Variants in DTNBP1 observed in about 807,000 individuals in gnomAD.
DTNBP1 encodes the protein dystrobrevin binding protein 1.
A neutral mutation model predicts 42.8 loss-of-function variants in DTNBP1; 35 were observed. That is an observed-to-expected ratio of 0.82 (90% confidence interval 0.63 to 1.09). The LOEUF (loss-of-function observed/expected upper bound fraction) is 1.09. DTNBP1 is among the 50% of genes least tolerant of loss of function. DTNBP1 has a pLI of 0.00. For synonymous variants in DTNBP1, 171 were observed against 162.2 expected (o/e 1.05, Z -0.41); for missense variants, 457 against 424.2 (o/e 1.08, Z -0.68).
At chr6:15,648,679 G>A (rs1760820172) in intron 3 of DTNBP1, among the ~76,000 whole-genome samples, 1 of 151,864 alleles carries the variant, frequency 6.6e-6, no homozygotes, top group Non-Finnish European at 1.5e-5. Flanking sequence ...AATTAACAAA[G>A]ATGATGAAAG....
At chr6:15,595,056 AG>A (rs749331925) in intron 6 of DTNBP1, 206 of 452,778 alleles carry the variant, frequency 4.5e-4, no homozygotes, top group Non-Finnish European at 8.4e-4. Context: ...TGCTGTGAAG[AG>A]GACAAGCCCA....
intron 7 of DTNBP1, among the ~76,000 whole-genome samples, chr6:15,538,176 G>T (rs1333062557): frequency 6.6e-6 from 1 of 152,164 alleles, no homozygotes; most frequent in Non-Finnish European, 1.5e-5. Context: ...ATCTGGGTGA[G>T]CCTGGCCTAG....
intron 7 of DTNBP1, among the ~76,000 whole-genome samples, chr6:15,580,301 T>C (rs888535322): frequency 3.3e-5 from 5 of 152,130 alleles, no homozygotes; most frequent in African/African-American, 9.7e-5. Flanking sequence ...CAGGTGAGGG[T>C]CTATGAAATA....
At chr6:15,578,319 C>T (rs74474328) in intron 7 of DTNBP1, among the ~76,000 whole-genome samples, 20 of 152,192 alleles carry the variant, frequency 1.3e-4, no homozygotes, top group Non-Finnish European at 2.4e-4. Context: ...AGGGGATGTC[C>T]CAGTTTGAGA....
chr6:15,650,761 C>T (rs1760947023), intron 3 of DTNBP1, among the ~76,000 whole-genome samples: 1 of 152,158 alleles, frequency 6.6e-6, no homozygotes, highest in African/African-American at 2.4e-5. Flanking sequence ...ATTCTGGATA[C>T]ATGTTGTTCC....
intron 5 of DTNBP1, among the ~76,000 whole-genome samples, chr6:15,619,593 A>C (rs1410450447): frequency 2.0e-5 from 3 of 152,190 alleles, no homozygotes; most frequent in Non-Finnish European, 4.4e-5. Flanking sequence ...GAGCCTAAGA[A>C]GACAAGATGA....
At chr6:15,614,069 T>C (rs1468982614) in intron 6 of DTNBP1, among the ~76,000 whole-genome samples, 1 of 152,196 alleles carries the variant, frequency 6.6e-6, no homozygotes, top group African/African-American at 2.4e-5. Context: ...GTGACTCTTA[T>C]GGCTCATTAA....
At chr6:15,651,262 G>C (rs777542421) in intron 3 of DTNBP1, 51 bp downstream of exon 3, 1 of 1,529,942 alleles carries the variant, frequency 6.5e-7, no homozygotes. Flanking sequence ...GATATTTTTG[G>C]TCAGTAAAAA....
rs759640688 is a variant in DTNBP1, at chr6:15,662,818, A to T, written c.52T>A (p.Ser18Thr). ...RLLSVQQDFT[S>T]GLKTLSDKSR... ...CGTCGCCCACCGTATACCCACCCGGAGGTGAAATCCTGCTGCACGCTCAGC... is the reference window on the plus strand; with the variant it reads ...CGTCGCCCACCGTATACCCACCCGGTGGTGAAATCCTGCTGCACGCTCAGC... The change falls in exon 1 of 10, where the codon TCC (serine) becomes ACC (threonine). Residue 18 changes from serine to threonine, a missense_variant. Physicochemically the swap from Ser to Thr is moderately conservative, Grantham distance 58 (BLOSUM62 1). Transcript: ENST00000344537. The T allele has an allele frequency of 6.2e-7, 1 of 1,611,318 alleles. No individual in the cohort carries two copies. Among genetic ancestry groups the T allele is most frequent in the East Asian group, 2.2e-5 (1 of 44,814 alleles).
intron 1 of DTNBP1, among the ~76,000 whole-genome samples, chr6:15,661,168 A>AT (rs2113837604): frequency 6.6e-6 from 1 of 152,344 alleles, no homozygotes; most frequent in African/African-American, 2.4e-5. Context: ...TTAAGATAAA[A>AT]TTTTGGCTAA....
chr6:15,533,706 C>T, intron 7 of DTNBP1: 2 of 527,174 alleles, frequency 3.8e-6, no homozygotes, highest in South Asian at 3.1e-5. Context: ...CCTTCCAAGA[C>T]CAGCTTCTCA....
intron 5 of DTNBP1, among the ~76,000 whole-genome samples, chr6:15,624,161 C>T (rs1759207825): frequency 1.3e-5 from 2 of 152,156 alleles, no homozygotes; most frequent in African/African-American, 4.8e-5. Context: ...TCCTTTAATC[C>T]TCCAAATACC....
chr6:15,545,931 C>T (rs1773843403), intron 7 of DTNBP1: 21 of 370,840 alleles, frequency 5.7e-5, no homozygotes, highest in South Asian at 4.2e-4. Flanking sequence ...CGGGGTCTGA[C>T]TGCAGGGCCA....
rs1020552324 is a variant in DTNBP1, at chr6:15,614,190, T to C, written c.488+1077A>G. Among the ~76,000 whole-genome samples the C allele has an allele frequency of 2.0e-5, 3 of 152,132 alleles. No individual in the cohort carries two copies. The East Asian group carries it at 5.8e-4, about 29-fold the overall frequency. On this transcript the variant is annotated intron_variant, in intron 6 of 9. Coordinates refer to ENST00000344537, the MANE Select transcript of DTNBP1 (RefSeq NM_032122.5). ...CCCTTGGCCTCATTCTAGAAGATTTTAACATCAATACAATAATCCACCTCA... is the reference window on the plus strand; with the variant it reads ...CCCTTGGCCTCATTCTAGAAGATTTCAACATCAATACAATAATCCACCTCA...
chr6:15,585,972 C>G (rs982780208), intron 7 of DTNBP1: 1 of 1,301,460 alleles, frequency 7.7e-7, no homozygotes, highest in African/African-American at 1.5e-5. Context: ...TCTACTGCCT[C>G]TATAAAAGCA....
At chr6:15,615,515 T>A (rs1358336703) in intron 5 of DTNBP1, 116 bp from the exon 6 acceptor site, 32 of 1,378,952 alleles carry the variant, frequency 2.3e-5, no homozygotes, top group Non-Finnish European at 3.1e-5. Context: ...GCATTTTTAA[T>A]GTTTTTTATT....
intron 6 of DTNBP1, among the ~76,000 whole-genome samples, chr6:15,596,972 C>T (rs1328173085): frequency 6.6e-6 from 1 of 152,188 alleles, no homozygotes; most frequent in African/African-American, 2.4e-5. Flanking sequence ...AATTGATCCA[C>T]TTCTCTCCAT....
At chr6:15,643,662 C>G (rs1428650140) in intron 3 of DTNBP1, among the ~76,000 whole-genome samples, 2 of 152,000 alleles carry the variant, frequency 1.3e-5, no homozygotes, top group Non-Finnish European at 2.9e-5. Context: ...AAATTGCTGG[C>G]CAAGAATTTT....
At chr6:15,539,385 C>T (rs1247386194) in intron 7 of DTNBP1, among the ~76,000 whole-genome samples, 1 of 152,150 alleles carries the variant, frequency 6.6e-6, no homozygotes, top group Non-Finnish European at 1.5e-5. Flanking sequence ...TGGGCTAGGC[C>T]CAACTCAGGT....
Sources: allele counts gnomAD v4.1 joint callset (sites outside exome capture counted in the v4.1 genomes callset), GRCh38; gene constraint gnomAD v4.1.1; transcripts MANE v1.5; gene names NCBI Gene and HGNC (gene_info 2026-07-23, HGNC 2026-07-21).